The following UHRF2 variants were observed in gnomAD, a reference collection of about 807,000 sequenced individuals.
The protein encoded by UHRF2 is E3 ubiquitin-protein ligase UHRF2.
Under a neutral mutation model 96.8 loss-of-function variants are expected in UHRF2, and 23 were observed. The observed-to-expected ratio is 0.24, with a 90% CI of 0.17 to 0.34. The LOEUF (loss-of-function observed/expected upper bound fraction) is 0.34. UHRF2 is among the 10% of genes least tolerant of loss of function. UHRF2 has a pLI of 1.00. For missense variants in UHRF2, 685 were observed against 981.5 expected (o/e 0.70, Z 4.04); for synonymous variants, 385 against 332.6 (o/e 1.16, Z -1.72).
At chr9:6,437,956 G>A (rs1820949757) in intron 3 of UHRF2, among the ~76,000 whole-genome samples, 1 of 152,304 alleles carries the variant, frequency 6.6e-6, no homozygotes, top group Admixed American at 6.5e-5. Context: ...AGATGATGCT[G>A]CTGTTGTACT....
At chr9:6,438,039 G>C (rs1033891025) in intron 3 of UHRF2, among the ~76,000 whole-genome samples, 1 of 152,196 alleles carries the variant, frequency 6.6e-6, no homozygotes, top group African/African-American at 2.4e-5. Context: ...TCAGGACCTG[G>C]TGCATGTTCA....
chr9:6,423,949 A>AAAAAAAAT (rs1554620286), intron 2 of UHRF2, among the ~76,000 whole-genome samples: 6 of 151,496 alleles, frequency 4.0e-5, no homozygotes, highest in African/African-American at 1.2e-4. Context: ...AGTATCAAAA[A>AAAAAAAAT]AAATAAATAA....
chr9:6,428,669 C>T (rs1331591513), intron 2 of UHRF2, among the ~76,000 whole-genome samples: 4 of 150,736 alleles, frequency 2.7e-5, no homozygotes, highest in Admixed American at 6.7e-5. Context: ...GCTGCCTCAG[C>T]TTCCTGAGTA....
chr9:6,430,516 C>T (rs1820506339), intron 2 of UHRF2, among the ~76,000 whole-genome samples: 1 of 152,144 alleles, frequency 6.6e-6, no homozygotes, highest in South Asian at 2.1e-4. Context: ...CTAGAGCTAG[C>T]TTATTCCTAG....
intron 1 of UHRF2, 163 bp downstream of exon 1, chr9:6,413,806 C>A (rs1563734016): frequency 1.1e-6 from 1 of 903,496 alleles, no homozygotes; most frequent in Non-Finnish European, 1.5e-6. Flanking sequence ...GGCCCAGTCC[C>A]GCCGAATGGT....
chr9:6,423,678 G>T (rs1289049391), intron 2 of UHRF2, among the ~76,000 whole-genome samples: 1 of 150,402 alleles, frequency 6.6e-6, no homozygotes, highest in Non-Finnish European at 1.5e-5. Context: ...GGGCGTGGTG[G>T]CTCACACCTG....
chr9:6,473,159 A>T (rs1158693550), intron 4 of UHRF2, among the ~76,000 whole-genome samples: 2 of 152,200 alleles, frequency 1.3e-5, no homozygotes, highest in Admixed American at 1.3e-4. Flanking sequence ...GAGTCCCACA[A>T]AGTCTGCTAA....
chr9:6,504,748 A>G (rs200011210), intron 15 of UHRF2, 57 bp downstream of exon 15: 57 of 1,386,842 alleles, frequency 4.1e-5, no homozygotes, highest in Non-Finnish European at 5.7e-5. Flanking sequence ...ACTAATTTCT[A>G]TACCTGTTTT....
chr9:6,452,072 C>T (rs982093623), intron 3 of UHRF2, among the ~76,000 whole-genome samples: 4 of 151,934 alleles, frequency 2.6e-5, no homozygotes, highest in Admixed American at 6.5e-5. Context: ...ACTACACATA[C>T]CGTTTGCACC....
chr9:6,432,122 A>G (rs996723348), intron 2 of UHRF2, among the ~76,000 whole-genome samples: 1 of 152,212 alleles, frequency 6.6e-6, no homozygotes, highest in Non-Finnish European at 1.5e-5. Flanking sequence ...TAATTTATGT[A>G]ATGTATAACA....
At chr9:6,465,333 C>T (rs908732664) in intron 4 of UHRF2, among the ~76,000 whole-genome samples, 4 of 152,164 alleles carry the variant, frequency 2.6e-5, no homozygotes, top group Non-Finnish European at 5.9e-5. Context: ...GCTAGTTTCA[C>T]AAAATAATTT....
At chr9:6,413,681 G>T (rs773798793) in intron 1 of UHRF2, 38 bp downstream of exon 1, 6 of 1,513,052 alleles carry the variant, frequency 4.0e-6, no homozygotes, top group African/African-American at 1.4e-5. Context: ...GAGGCTGGGG[G>T]CCGGAACAGC....
chr9:6,429,840 A>G (rs1037097083), intron 2 of UHRF2, among the ~76,000 whole-genome samples: 1 of 152,222 alleles, frequency 6.6e-6, no homozygotes, highest in African/African-American at 2.4e-5. Flanking sequence ...ACTTGAACCT[A>G]GGTTTACCTG....
chr9:6,436,176 C>G (rs144929699), intron 3 of UHRF2, among the ~76,000 whole-genome samples: 2 of 152,204 alleles, frequency 1.3e-5, no homozygotes, highest in African/African-American at 4.8e-5. Context: ...TTTCATACCA[C>G]AAAACAGTAT....
chr9:6,431,432 C>T (rs567677666), intron 2 of UHRF2, among the ~76,000 whole-genome samples: 1 of 152,142 alleles, frequency 6.6e-6, no homozygotes, highest in East Asian at 1.9e-4. Context: ...ACATAGCAAA[C>T]TCTGTCTCTA....
intron 4 of UHRF2, among the ~76,000 whole-genome samples, chr9:6,470,059 A>G (rs775407179): frequency 1.3e-5 from 2 of 152,184 alleles, no homozygotes; most frequent in East Asian, 1.9e-4. Context: ...GTGGAATGGC[A>G]TGTGAAAATA....
chr9:6,438,283 T>C (rs1820967336), intron 3 of UHRF2, among the ~76,000 whole-genome samples: 1 of 152,180 alleles, frequency 6.6e-6, no homozygotes, highest in Admixed American at 6.5e-5. Flanking sequence ...TTGGCCATTT[T>C]CAACCATAGA....
intron 9 of UHRF2, among the ~76,000 whole-genome samples, chr9:6,487,613 C>T (rs183020766): frequency 3.9e-5 from 6 of 152,318 alleles, no homozygotes; most frequent in South Asian, 2.1e-4. Context: ...GTGATCCTCC[C>T]GCCTTGGCCT....
intron 2 of UHRF2, among the ~76,000 whole-genome samples, chr9:6,427,671 C>G (rs1189009376): frequency 6.6e-6 from 1 of 152,074 alleles, no homozygotes; most frequent in African/African-American, 2.4e-5. Context: ...GGTGACAGAG[C>G]AAGACCCCAT....
Sources: gnomAD v4.1 joint callset for allele counts (sites outside exome capture counted in the v4.1 genomes callset) on GRCh38, gnomAD v4.1.1 for gene constraint, MANE v1.5 for transcripts, NCBI Gene and HGNC (gene_info 2026-07-23, HGNC 2026-07-21) for gene names.